The following MAST4 variants were observed in gnomAD, a reference collection of about 807,000 sequenced individuals.
MAST4 encodes microtubule associated serine/threonine kinase family member 4.
In MAST4, 89 loss-of-function variants were observed where a neutral mutation model predicts 162.7. That is an observed-to-expected ratio of 0.55 (90% confidence interval 0.46 to 0.65). The LOEUF is 0.65. Among genes scored for constraint, MAST4 ranks in the 30% least tolerant of loss-of-function variants. The pLI is 0.00. For synonymous variants in MAST4, 1,479 were observed against 1,361.1 expected, an observed-to-expected ratio of 1.09 and a Z score of -1.91; for missense variants, 3,153 against 3,374.0, an observed-to-expected ratio of 0.93 and a Z score of 1.62.
intron 3 of MAST4, among the ~76,000 whole-genome samples, chr5:66,842,548 A>G (rs1385615985): frequency 6.6e-6 from 1 of 151,644 alleles, no homozygotes; most frequent in African/African-American, 2.4e-5. Context: ...CTGGTATTGT[A>G]TGCTTCCTAT....
At position 67,169,560 on chromosome 5, in the gene MAST4, T is replaced by C. The variant is rs1354878468; in HGVS notation, c.*2509T>C. 1 of 152,240 alleles carries C rather than the reference T, an allele frequency of 6.6e-6. No individual in the cohort carries two copies. The highest frequency in any genetic ancestry group is 1.5e-5 in the Non-Finnish European group (1 of 68,042). 9.4% of individuals were successfully genotyped at this position (152,240 alleles called of 1,614,324 possible). On this transcript the variant is annotated 3_prime_UTR_variant, in exon 29 of 29. Coordinates refer to ENST00000403625, the MANE Select transcript of MAST4 (RefSeq NM_001164664.2). Reference sequence around the variant, plus strand: ...AACAAAATATTTATACTTATGCAGTTGCATAACATTGAAATAAAAATTTAG... The same window carrying C: ...AACAAAATATTTATACTTATGCAGTCGCATAACATTGAAATAAAAATTTAG...
intron 1 of MAST4, among the ~76,000 whole-genome samples, chr5:66,741,287 G>T (rs1752463724): frequency 6.6e-6 from 1 of 152,138 alleles, no homozygotes; most frequent in Non-Finnish European, 1.5e-5. Flanking sequence ...CTTCTTCACA[G>T]ACCTTATTAC....
chr5:66,845,046 AC>A (rs1220134551), intron 3 of MAST4, among the ~76,000 whole-genome samples: 2 of 127,186 alleles, frequency 1.6e-5, no homozygotes, highest in Admixed American at 1.7e-4. Context: ...AGAAAGGAGG[AC>A]CTGGAAAATA....
chr5:67,154,595 C>T (rs1409051222), intron 26 of MAST4, among the ~76,000 whole-genome samples: 1 of 152,132 alleles, frequency 6.6e-6, no homozygotes, highest in African/African-American at 2.4e-5. Flanking sequence ...TTGTCTTGCC[C>T]TCATCTGGCT....
chr5:67,063,195 C>T (rs1759839169), intron 5 of MAST4, among the ~76,000 whole-genome samples: 1 of 151,440 alleles, frequency 6.6e-6, no homozygotes, highest in Admixed American at 6.6e-5. Flanking sequence ...TGTGTAATTG[C>T]CAATTGTTAC....
At chr5:66,842,457 G>A (rs867737384) in intron 3 of MAST4, among the ~76,000 whole-genome samples, 3 of 142,072 alleles carry the variant, frequency 2.1e-5, no homozygotes, top group African/African-American at 5.1e-5. Flanking sequence ...ACCCCCTCCC[G>A]CCCCGCCAAA....
intron 4 of MAST4, among the ~76,000 whole-genome samples, chr5:66,970,854 A>G (rs1450030822): frequency 6.6e-6 from 1 of 152,208 alleles, no homozygotes; most frequent in African/African-American, 2.4e-5. Context: ...GCACAGAGAC[A>G]GATTTATCTA....
At chr5:66,891,962 A>G (rs1410518448) in intron 3 of MAST4, among the ~76,000 whole-genome samples, 3 of 152,174 alleles carry the variant, frequency 2.0e-5, no homozygotes, top group Admixed American at 1.3e-4. Flanking sequence ...CTTGTCTGCT[A>G]CCTGTGACAC....
intron 4 of MAST4, among the ~76,000 whole-genome samples, chr5:66,915,837 A>C (rs1407993482): frequency 6.6e-6 from 1 of 152,184 alleles, no homozygotes; most frequent in Non-Finnish European, 1.5e-5. Flanking sequence ...TGTCCGCCTG[A>C]GGTTTCCAGA....
At chr5:66,736,476 T>C (rs1327984705) in intron 1 of MAST4, among the ~76,000 whole-genome samples, 3 of 152,082 alleles carry the variant, frequency 2.0e-5, no homozygotes, top group African/African-American at 7.2e-5. Flanking sequence ...ACCCAGAGAA[T>C]GAAATGCAAG....
chr5:66,978,774 G>C (rs761600725), intron 4 of MAST4, among the ~76,000 whole-genome samples: 1 of 152,198 alleles, frequency 6.6e-6, no homozygotes, highest in African/African-American at 2.4e-5. Context: ...AGGGATTTTT[G>C]TGGAAGAGGA....
At chr5:66,954,866 A>G (rs1581001871) in intron 4 of MAST4, among the ~76,000 whole-genome samples, 1 of 151,218 alleles carries the variant, frequency 6.6e-6, no homozygotes, top group Non-Finnish European at 1.5e-5. Context: ...ACGCTACTGC[A>G]CTCCAGCCTG....
At chr5:66,702,346 T>G (rs576665194) in intron 1 of MAST4, among the ~76,000 whole-genome samples, 1 of 152,296 alleles carries the variant, frequency 6.6e-6, no homozygotes, top group East Asian at 1.9e-4. Context: ...GAAGATAGTC[T>G]TTCCTCTCAT....
At chr5:67,099,347 A>G (rs2150842540) in intron 7 of MAST4, among the ~76,000 whole-genome samples, 1 of 152,114 alleles carries the variant, frequency 6.6e-6, no homozygotes, top group East Asian at 1.9e-4. Flanking sequence ...TCATTACATT[A>G]TAAAAATTCC....
intron 3 of MAST4, among the ~76,000 whole-genome samples, chr5:66,884,218 C>T (rs1210254883): frequency 2.6e-5 from 4 of 152,140 alleles, no homozygotes; most frequent in African/African-American, 7.2e-5. Context: ...ATGTTACTTG[C>T]TCTTAGAAAA....
chr5:67,137,341 A>G (rs932472838), intron 19 of MAST4, among the ~76,000 whole-genome samples: 2 of 152,198 alleles, frequency 1.3e-5, no homozygotes, highest in African/African-American at 4.8e-5. Flanking sequence ...AGACTTAGCA[A>G]TCCCAGTATA....
Position 67,104,453 on chromosome 5 carries a change from A to G in MAST4, c.1234A>G (p.Ser412Gly). ...TCTACCCTTAGCAGATGGAGTGCTT[A>G]GTTTCACTCACCACCAGATTATTGA... is the stretch of plus-strand genomic sequence containing the variant. ...NVLPLADGVL[S>G]FTHHQIIELA... is the part of the protein sequence containing the mutation. Residue 412 changes from serine (S) to glycine (G), a missense_variant, in exon 10 of 29, where the codon AGT becomes GGT. Physicochemically the swap from Ser to Gly is moderately conservative, Grantham distance 56. Transcript: ENST00000403625. 1.2e-6 allele frequency: 2 copies of G among 1,613,914 alleles called. No individual in the cohort carries two copies. Among genetic ancestry groups the G allele is most frequent in the Non-Finnish European group, 1.7e-6 (2 of 1,179,814 alleles).
chr5:66,894,767 G>A (rs1762572888), intron 3 of MAST4, among the ~76,000 whole-genome samples: 1 of 152,204 alleles, frequency 6.6e-6, no homozygotes, highest in African/African-American at 2.4e-5. Context: ...TGGTGCAGAA[G>A]GCAAGTTGCT....
At chr5:67,038,180 T>C (rs947324348) in intron 4 of MAST4, among the ~76,000 whole-genome samples, 1 of 152,062 alleles carries the variant, frequency 6.6e-6, no homozygotes, top group African/African-American at 2.4e-5. Context: ...CTCTAACAGT[T>C]GCAATTCTAG....
Sources: gnomAD v4.1 joint callset for allele counts (sites outside exome capture counted in the v4.1 genomes callset) on GRCh38, gnomAD v4.1.1 for gene constraint, MANE v1.5 for transcripts, NCBI Gene and HGNC (gene_info 2026-07-23, HGNC 2026-07-21) for gene names.